The following EFNA5 variants were observed in gnomAD, a reference collection of about 807,000 sequenced individuals.
EFNA5 encodes ephrin-A5.
EFNA5 carries 5 observed loss-of-function variants against 22.9 expected under a neutral mutation model. The observed-to-expected ratio is 0.22, with a 90% CI of 0.11 to 0.46. The LOEUF (loss-of-function observed/expected upper bound fraction) is 0.46. Ranked by LOEUF, EFNA5 falls within the 20% of genes least tolerant of loss-of-function variation. The pLI, the probability that EFNA5 is intolerant of heterozygous loss-of-function variation, is 0.99. For synonymous variants in EFNA5, 113 were observed against 112.2 expected (o/e 1.01, Z -0.04); for missense variants, 237 against 293.3 (o/e 0.81, Z 1.40).
At chr5:107,669,010 CG>C (rs1385194620) in intron 1 of EFNA5, among the ~76,000 whole-genome samples, 2 of 152,056 alleles carry the variant, frequency 1.3e-5, no homozygotes, top group Admixed American at 1.3e-4. Flanking sequence ...AGGACTTGGG[CG>C]GCTACCTGAG....
chr5:107,556,644 G>A (rs758159446), intron 1 of EFNA5, among the ~76,000 whole-genome samples: 2 of 151,968 alleles, frequency 1.3e-5, no homozygotes, highest in Non-Finnish European at 2.9e-5. Flanking sequence ...TACTCAGGAG[G>A]CTGGCACGGG....
At chr5:107,416,666 T>G (rs1166373934) in intron 2 of EFNA5, among the ~76,000 whole-genome samples, 1 of 152,080 alleles carries the variant, frequency 6.6e-6, no homozygotes, top group Non-Finnish European at 1.5e-5. Flanking sequence ...AGCAAAAGGC[T>G]AAACTAAACT....
At chr5:107,490,373 G>C (rs1746772203) in intron 1 of EFNA5, among the ~76,000 whole-genome samples, 1 of 152,132 alleles carries the variant, frequency 6.6e-6, no homozygotes, top group Non-Finnish European at 1.5e-5. Context: ...TGAGACTACA[G>C]GTGCACGTTA....
chr5:107,563,262 G>A (rs565521340), intron 1 of EFNA5, among the ~76,000 whole-genome samples: 3 of 152,032 alleles, frequency 2.0e-5, no homozygotes, highest in African/African-American at 4.8e-5. Flanking sequence ...GGCTATCTTC[G>A]GTTACATCTG....
intron 1 of EFNA5, among the ~76,000 whole-genome samples, chr5:107,500,152 C>T (rs762417949): frequency 2.6e-5 from 4 of 152,150 alleles, no homozygotes. Flanking sequence ...GCAGAACCTC[C>T]ATTGTGAGAG....
chr5:107,467,742 T>C (rs867301822), intron 1 of EFNA5, among the ~76,000 whole-genome samples: 2 of 152,132 alleles, frequency 1.3e-5, no homozygotes, highest in African/African-American at 4.8e-5. Flanking sequence ...CTCTGAGTGC[T>C]AATGGCAGCG....
At chr5:107,409,191 G>T (rs1404575247) in intron 2 of EFNA5, among the ~76,000 whole-genome samples, 2 of 152,200 alleles carry the variant, frequency 1.3e-5, no homozygotes, top group African/African-American at 4.8e-5. Context: ...AACTCATAAA[G>T]ACAGGAGTAT....
At chr5:107,580,631 G>A (rs1285273633) in intron 1 of EFNA5, among the ~76,000 whole-genome samples, 1 of 149,470 alleles carries the variant, frequency 6.7e-6, no homozygotes. Flanking sequence ...GCTAAGGCAG[G>A]AGAATGGCGT....
chr5:107,442,836 ACTT>A (rs1233993403), intron 1 of EFNA5, among the ~76,000 whole-genome samples: 1 of 150,512 alleles, frequency 6.6e-6, no homozygotes, highest in Non-Finnish European at 1.5e-5. Flanking sequence ...CTGACAAATT[ACTT>A]CTTCTTTCTC....
intron 1 of EFNA5, among the ~76,000 whole-genome samples, chr5:107,573,000 A>C (rs1748850692): frequency 6.6e-6 from 1 of 152,190 alleles, no homozygotes. Flanking sequence ...AAAACTGCCA[A>C]GACGTTCAGC....
intron 1 of EFNA5, among the ~76,000 whole-genome samples, chr5:107,588,983 C>A (rs1749254343): frequency 6.6e-6 from 1 of 152,160 alleles, no homozygotes; most frequent in Non-Finnish European, 1.5e-5. Context: ...CCTCAACTTG[C>A]TCTAAAAAAA....
intron 1 of EFNA5, among the ~76,000 whole-genome samples, chr5:107,630,900 C>T (rs1004804864): frequency 2.0e-5 from 3 of 151,980 alleles, no homozygotes; most frequent in African/African-American, 7.3e-5. Context: ...GACATAAACT[C>T]ACATATCAGC....
At chr5:107,461,937 G>A (rs145063054) in intron 1 of EFNA5, among the ~76,000 whole-genome samples, 1,673 of 152,230 alleles carry the variant, frequency 0.011, 39 homozygotes, top group African/African-American at 0.038. Flanking sequence ...AAAGGGCCCC[G>A]AAAGCAGCCC....
chr5:107,551,051 G>A (rs1309217510), intron 1 of EFNA5, among the ~76,000 whole-genome samples: 1 of 152,190 alleles, frequency 6.6e-6, no homozygotes, highest in Non-Finnish European at 1.5e-5. Context: ...CTTAATAAAT[G>A]CCAGGTGATG....
At chr5:107,383,958 G>A (rs1235937720) in intron 4 of EFNA5, among the ~76,000 whole-genome samples, 1 of 152,148 alleles carries the variant, frequency 6.6e-6, no homozygotes, top group Non-Finnish European at 1.5e-5. Flanking sequence ...CCCCCAAAAG[G>A]AAATCAGTCC....
At chr5:107,554,339 A>C (rs1382327096) in intron 1 of EFNA5, among the ~76,000 whole-genome samples, 1 of 152,224 alleles carries the variant, frequency 6.6e-6, no homozygotes, top group Non-Finnish European at 1.5e-5. Flanking sequence ...TAAAATAATT[A>C]AAGCTTCGAG....
chr5:107,497,925 T>G (rs144321806), intron 1 of EFNA5, among the ~76,000 whole-genome samples: 1,971 of 152,342 alleles, frequency 0.013, 18 homozygotes, highest in Non-Finnish European at 0.022. Flanking sequence ...ATTAGTAGTA[T>G]TATTTTTTGA....
intron 2 of EFNA5, among the ~76,000 whole-genome samples, chr5:107,411,170 G>A (rs1391649613): frequency 6.6e-6 from 1 of 152,130 alleles, no homozygotes; most frequent in African/African-American, 2.4e-5. Context: ...CTCTGCCCCT[G>A]TTGCACTTAA....
intron 1 of EFNA5, among the ~76,000 whole-genome samples, chr5:107,454,560 A>T (rs1283923181): frequency 6.6e-6 from 1 of 152,154 alleles, no homozygotes; most frequent in African/African-American, 2.4e-5. Context: ...CCTACATTAG[A>T]AAATTTTAAA....
Sources: allele counts gnomAD v4.1 joint callset (sites outside exome capture counted in the v4.1 genomes callset), GRCh38; gene constraint gnomAD v4.1.1; transcripts MANE v1.5; gene names NCBI Gene and HGNC (gene_info 2026-07-23, HGNC 2026-07-21).